The following PROC variants were observed in gnomAD, a reference collection of about 807,000 sequenced individuals.
PROC encodes the protein vitamin K-dependent protein C.
PROC carries 22 observed loss-of-function variants against 36.3 expected under a neutral mutation model. That is an observed-to-expected ratio of 0.61 (90% CI 0.43 to 0.86). The LOEUF is 0.86. Among genes scored for constraint, PROC ranks in the 40% least tolerant of loss-of-function variants. PROC has a pLI of 0.00. For synonymous variants in PROC, 218 were observed against 244.5 expected, an observed-to-expected ratio of 0.89 and a Z score of 1.01; for missense variants, 526 against 629.7, an observed-to-expected ratio of 0.84 and a Z score of 1.76.
intron 6 of PROC, among the ~76,000 whole-genome samples, chr2:127,424,193 CTTTCTTTTT>C (rs1688329300): frequency 6.6e-6 from 1 of 151,874 alleles, no homozygotes; most frequent in Non-Finnish European, 1.5e-5. Context: ...TTTCAGGGAA[CTTTCTTTTT>C]TTTCTTTTTT....
Position 127,421,331 on chromosome 2 carries a change from G to T in PROC, c.119G>T (p.Arg40Leu). ...SERAHQVLRI[R>L]KRANSFLEEL... is the part of the protein sequence containing the mutation. ...CGTGCCCACCAGGTGCTGCGGATCC[G>T]CAAACGTGCCAACTCCTTCCTGGAG... Residue 40 changes from arginine to leucine, a missense_variant, in exon 3 of 9, where the codon CGC becomes CTC. By Grantham distance (102) the Arg-to-Leu change is moderately radical (BLOSUM62 -2). Coordinates refer to ENST00000234071, the MANE Select transcript of PROC (RefSeq NM_000312.4). 1 of 1,613,874 alleles carries T rather than the reference G, an allele frequency of 6.2e-7. No individual in the cohort carries two copies. The highest frequency in any genetic ancestry group is 8.5e-7 in the Non-Finnish European group (1 of 1,179,906).
chr2:127,420,620 C>G (rs1012355871), intron 2 of PROC, among the ~76,000 whole-genome samples: 4 of 152,208 alleles, frequency 2.6e-5, no homozygotes, highest in Admixed American at 2.0e-4. Flanking sequence ...CCTTTTCCCC[C>G]ATCCCTTCTT....
rs2104981245 is a variant in PROC at position 127,428,338 on chromosome 2, T to C, written c.797-19T>C. On this transcript the variant is annotated intron_variant, in intron 8 of 8. Coordinates refer to ENST00000234071, the MANE Select transcript of PROC (RefSeq NM_000312.4). Reference sequence around the variant, plus strand: ...GAGGCTCCCCGCAGCCCACTCTGACTGTGCCCTCTGCCCTGCAGGAGAGTA... The same window carrying C: ...GAGGCTCCCCGCAGCCCACTCTGACCGTGCCCTCTGCCCTGCAGGAGAGTA... The C allele has an allele frequency of 6.2e-7, 1 of 1,612,430 alleles. No individual in the cohort carries two copies. Among genetic ancestry groups the C allele is most frequent in the Middle Eastern group, 1.7e-4 (1 of 6,044 alleles).
chr2:127,421,942 TCAGAGTCCTTTGGAGCCCC>T (rs1688121014), intron 3 of PROC, among the ~76,000 whole-genome samples: 1 of 152,132 alleles, frequency 6.6e-6, no homozygotes. Context: ...TGTCTAAGGG[TCAGAGTCCTTTGGAGCCCC>T]CAGAGTCCTG....
intron 3 of PROC, among the ~76,000 whole-genome samples, chr2:127,421,722 A>C (rs1025939740): frequency 6.6e-6 from 1 of 152,216 alleles, no homozygotes; most frequent in East Asian, 1.9e-4. Context: ...TCCACCCTCC[A>C]GCCACTGCTG....
chr2:127,424,057 C>G (rs1400075477), intron 6 of PROC, among the ~76,000 whole-genome samples: 1 of 152,084 alleles, frequency 6.6e-6, no homozygotes, highest in African/African-American at 2.4e-5. Context: ...ACATTTATCA[C>G]TTATTTCTTC....
At chr2:127,425,348 C>T (rs1047056548) in intron 6 of PROC, among the ~76,000 whole-genome samples, 3 of 152,204 alleles carry the variant, frequency 2.0e-5, no homozygotes, top group Non-Finnish European at 2.9e-5. Context: ...CTGCTGACGA[C>T]GTCCCATTGC....
At chr2:127,424,197 CTTT>C (rs920821984) in intron 6 of PROC, among the ~76,000 whole-genome samples, 1 of 151,492 alleles carries the variant, frequency 6.6e-6, no homozygotes, top group Non-Finnish European at 1.5e-5. Flanking sequence ...AGGGAACTTT[CTTT>C]TTTTTCTTTT....
chr2:127,423,516 C>G, intron 6 of PROC, 108 bp downstream of exon 6: 1 of 1,414,916 alleles, frequency 7.1e-7, no homozygotes, highest in Non-Finnish European at 9.4e-7. Context: ...AGGGAGGGAG[C>G]GAGGAACAGA....
chr2:127,420,448 G>A (rs956792511), intron 2 of PROC, among the ~76,000 whole-genome samples: 1 of 152,180 alleles, frequency 6.6e-6, no homozygotes, highest in Non-Finnish European at 1.5e-5. Context: ...AACGGGAGGA[G>A]GCCATGATTC....
intron 8 of PROC, among the ~76,000 whole-genome samples, chr2:127,427,534 G>A (rs1688593608): frequency 1.3e-5 from 2 of 152,156 alleles, no homozygotes; most frequent in South Asian, 4.1e-4. Flanking sequence ...CAGGCTGTGT[G>A]GGCCTCAGCA....
Position 127,426,315 on chromosome 2 carries a change from CGA to C in PROC, c.678+92_678+93del. On this transcript the variant is annotated intron_variant, in intron 7 of 8. Coordinates refer to ENST00000234071, the MANE Select transcript of PROC (RefSeq NM_000312.4). The surrounding 1 kb of genome is among the most constrained non-coding windows in gnomAD (Gnocchi z 7.0). ...GCAGCTATGCTCAGGGTGCAGAAAC[CGA>C]GAGGGAAGCGCTGCCATTGCGTTTG... 6.4e-7 allele frequency: 1 copy of C among 1,574,104 alleles called. No individual in the cohort carries two copies. Among genetic ancestry groups the C allele is most frequent in the Non-Finnish European group, 8.7e-7 (1 of 1,146,954 alleles).
rs748548752 is a variant in PROC, at chr2:127,419,981, C to T, written c.39C>T (p.Thr13=). Residue 13 remains threonine, a synonymous_variant, in exon 2 of 9, where the codon ACC becomes ACT. Transcript: ENST00000234071. ...CAAGCCTCCTGCTGTTCGTGGCCAC[C>T]TGGGGAATTTCCGGCACACCAGCTC... is the stretch of plus-strand genomic sequence containing the variant. ...QLTSLLLFVA[T]WGISGTPAPL... is the part of the protein sequence containing the mutation. 32 of 1,613,676 alleles carry T rather than the reference C, an allele frequency of 2.0e-5. No homozygotes were observed. Among genetic ancestry groups the T allele is most frequent in the Non-Finnish European group, 2.5e-5 (30 of 1,180,026 alleles).
intron 6 of PROC, among the ~76,000 whole-genome samples, chr2:127,424,843 TTC>T (rs1688380045): frequency 1.3e-5 from 2 of 152,196 alleles, no homozygotes; most frequent in Admixed American, 1.3e-4. Flanking sequence ...CGTGAGGGCT[TTC>T]CTTTTAGGCT....
intron 2 of PROC, 66 bp downstream of exon 2, chr2:127,420,078 C>G (rs1454555825): frequency 3.2e-6 from 5 of 1,551,682 alleles, no homozygotes; most frequent in Non-Finnish European, 2.7e-6. Flanking sequence ...GGGCATCTGC[C>G]CAGGCCTTCA....
rs1050172209 is a variant in PROC, at chr2:127,427,299, G to A, written c.796+77G>A. On this transcript the variant is annotated intron_variant, in intron 8 of 8. Coordinates refer to ENST00000234071, the MANE Select transcript of PROC (RefSeq NM_000312.4). ...ACCAGGCAGGCTGTTCAGGTTTGGG[G>A]GACCCCGCTCCCCAGGTGCTTAAGC... The A allele has an allele frequency of 1.8e-4, 238 of 1,315,068 alleles. 4 individuals carry two copies. The South Asian group carries it at 2.3e-3, about 13-fold the overall frequency. 81.5% of individuals were successfully genotyped at this position (1,315,068 alleles called of 1,614,324 possible).
intron 3 of PROC, among the ~76,000 whole-genome samples, 185 bp from the exon 4 acceptor site, chr2:127,422,732 C>A (rs1356782936): frequency 7.1e-6 from 1 of 141,088 alleles, no homozygotes; most frequent in East Asian, 2.2e-4. Flanking sequence ...GGGCGGGTGG[C>A]GCTGGAGGGC....
chr2:127,425,805 T>C (rs916220731), intron 6 of PROC, among the ~76,000 whole-genome samples: 3 of 152,046 alleles, frequency 2.0e-5, no homozygotes, highest in African/African-American at 7.3e-5. Context: ...CAATGAGCCT[T>C]CAAGAAGTTT....
intron 2 of PROC, 150 bp from the exon 3 acceptor site, chr2:127,421,133 A>G (rs1688065879): frequency 5.0e-6 from 4 of 797,720 alleles, no homozygotes; most frequent in African/African-American, 3.4e-5. Context: ...CCCCTGCGCC[A>G]AGCCATGACC....
Sources: allele counts gnomAD v4.1 joint callset (sites outside exome capture counted in the v4.1 genomes callset), GRCh38; gene constraint gnomAD v4.1.1; non-coding constraint Gnocchi (gnomAD v3.1); transcripts MANE v1.5; gene names NCBI Gene and HGNC (gene_info 2026-07-23, HGNC 2026-07-21).